CHMP1A: variants seen among roughly 807,000 people sequenced by gnomAD.
CHMP1A encodes the protein charged multivesicular body protein 1A.
CHMP1A carries 17 observed loss-of-function variants against 27.0 expected under a neutral mutation model. That is an observed-to-expected ratio of 0.63 (90% CI 0.43 to 0.95). The LOEUF (loss-of-function observed/expected upper bound fraction) is 0.95. Ranked by LOEUF, CHMP1A falls within the 40% of genes least tolerant of loss-of-function variation. CHMP1A has a pLI of 0.00. For missense variants in CHMP1A, 275 were observed against 264.0 expected (o/e 1.04, Z -0.29); for synonymous variants, 131 against 107.5 (o/e 1.22, Z -1.35).
chr16:89,652,055 C>T (rs1283693240), intron 2 of CHMP1A, among the ~76,000 whole-genome samples: 1 of 152,246 alleles, frequency 6.6e-6, no homozygotes, highest in Non-Finnish European at 1.5e-5. Context: ...CAAGTCATAA[C>T]ACAGAACTCC....
intron 3 of CHMP1A, among the ~76,000 whole-genome samples, chr16:89,650,681 T>A (rs1459046094): frequency 6.6e-6 from 1 of 151,740 alleles, no homozygotes; most frequent in Non-Finnish European, 1.5e-5. Context: ...TGGCGCATGC[T>A]TGTAATCCCA....
chr16:89,650,543 T>C (rs2059816230), intron 3 of CHMP1A, among the ~76,000 whole-genome samples: 1 of 152,212 alleles, frequency 6.6e-6, no homozygotes, highest in Non-Finnish European at 1.5e-5. Context: ...CAGTGGCTCA[T>C]GCCTGTAATC....
chr16:89,655,436 T>TCACCTCAGCTCC (rs2059857613), intron 1 of CHMP1A, among the ~76,000 whole-genome samples: 1 of 72,672 alleles, frequency 1.4e-5, no homozygotes. Flanking sequence ...ACCTCAGCTC[T>TCACCTCAGCTCC]CCTCACCTCA....
At position 89,647,538 on chromosome 16, in the gene CHMP1A, CA is replaced by C. The variant is rs1568000191; in HGVS notation, c.253-208del. Reference sequence around the variant, plus strand: ...AGGCCATGGAGACCCAGTGCGGGGTCAGTGGAGAAAAGGCCGCCGACGTGGA... The same window carrying C: ...AGGCCATGGAGACCCAGTGCGGGGTCGTGGAGAAAAGGCCGCCGACGTGGA... On this transcript the variant is annotated intron_variant, in intron 4 of 6. Coordinates refer to ENST00000397901, the MANE Select transcript of CHMP1A (RefSeq NM_002768.5). Among the ~76,000 whole-genome samples, 65 of 147,926 alleles carry C rather than the reference CA, an allele frequency of 4.4e-4. 3 individuals carry two copies. Among genetic ancestry groups the C allele is most frequent in the African/African-American group, 1.5e-3 (60 of 39,268 alleles).
Position 89,646,082 on chromosome 16 carries a change from G to T in CHMP1A, c.575C>A (p.Ala192Asp). The change falls in exon 7 of 7, where the codon GCC becomes GAC. Residue 192 changes from alanine to aspartate, a missense_variant. By Grantham distance (126) the Ala-to-Asp change is moderately radical. Transcript: ENST00000397901. ...SQEDQLSRRL[A>D]ALRN Reference sequence around the variant, plus strand: ...GGGGCACGGCTAGTTCCTCAAGGCGGCCAACCTGGAAACCAACAACAGGAC... The same window carrying T: ...GGGGCACGGCTAGTTCCTCAAGGCGTCCAACCTGGAAACCAACAACAGGAC... 1 of 1,543,998 alleles carries T rather than the reference G, an allele frequency of 6.5e-7. No individual in the cohort carries two copies. Among genetic ancestry groups the T allele is most frequent in the Non-Finnish European group, 8.7e-7 (1 of 1,145,816 alleles).
intron 6 of CHMP1A, 50 bp from the exon 7 acceptor site, chr16:89,646,137 G>A: frequency 6.7e-7 from 1 of 1,487,154 alleles, no homozygotes; most frequent in Non-Finnish European, 9.0e-7. Context: ...GGGGGCCTCT[G>A]ACCACCACGT....
rs1483750376 is a variant in CHMP1A, at chr16:89,657,620, G to C, written c.-32C>G. 3.1e-6 allele frequency: 5 copies of C among 1,610,196 alleles called. No homozygotes were observed. In the South Asian group the frequency reaches 5.5e-5, roughly 18 times the overall value. ...AATGACAGGAGCAGCACTCGGAGAG[G>C]GAGAAGGGACGCCAACTCCGGGCGG... On this transcript the variant is annotated 5_prime_UTR_variant, in exon 1 of 7. Coordinates refer to ENST00000397901, the MANE Select transcript of CHMP1A (RefSeq NM_002768.5).
intron 2 of CHMP1A, among the ~76,000 whole-genome samples, chr16:89,653,688 G>T (rs2059842596): frequency 6.6e-6 from 1 of 150,518 alleles, no homozygotes; most frequent in Non-Finnish European, 1.5e-5. Context: ...ATGACCCTAA[G>T]GATCTGCCTC....
chr16:89,652,771 C>T (rs1201667047), intron 2 of CHMP1A, among the ~76,000 whole-genome samples: 1 of 152,164 alleles, frequency 6.6e-6, no homozygotes, highest in Non-Finnish European at 1.5e-5. Flanking sequence ...ACGGTAGCTC[C>T]GGCACATCAC....
chr16:89,653,413 G>A (rs1046966285), intron 2 of CHMP1A, among the ~76,000 whole-genome samples: 8 of 150,256 alleles, frequency 5.3e-5, no homozygotes, highest in African/African-American at 1.9e-4. Flanking sequence ...GAGGTGAAGA[G>A]ATCGAGACCA....
intron 6 of CHMP1A, 41 bp from the exon 7 acceptor site, chr16:89,646,128 G>A (rs1339379891): frequency 6.6e-7 from 1 of 1,509,782 alleles, no homozygotes; most frequent in Non-Finnish European, 8.9e-7. Context: ...GCAGGGGAAG[G>A]GGGCCTCTGA....
chr16:89,649,524 G>A (rs748961598), intron 3 of CHMP1A, 27 bp from the exon 4 acceptor site: 2 of 1,612,852 alleles, frequency 1.2e-6, no homozygotes, highest in Non-Finnish European at 1.7e-6. Context: ...AAAGCAGCTG[G>A]AAGAGCTTGG....
At chr16:89,651,837 T>C (rs888104986) in intron 2 of CHMP1A, among the ~76,000 whole-genome samples, 191 bp from the exon 3 acceptor site, 1 of 152,206 alleles carries the variant, frequency 6.6e-6, no homozygotes, top group African/African-American at 2.4e-5. Context: ...CGGCGAGAGA[T>C]GGCACCAGCT....
intron 3 of CHMP1A, among the ~76,000 whole-genome samples, 157 bp downstream of exon 3, chr16:89,651,412 T>C (rs1184743939): frequency 6.6e-6 from 1 of 151,806 alleles, no homozygotes; most frequent in Non-Finnish European, 1.5e-5. Flanking sequence ...AAAATATATA[T>C]ATATATGTAC....
chr16:89,648,663 G>A (rs2059799648), intron 4 of CHMP1A, among the ~76,000 whole-genome samples: 1 of 152,164 alleles, frequency 6.6e-6, no homozygotes, highest in Non-Finnish European at 1.5e-5. Context: ...GGCCGAGGTG[G>A]GAAGATTGCT....
In CHMP1A at chr16:89,646,060, G is replaced by A. The variant is rs776051113; in HGVS notation, c.*6C>T. 1.9e-6 allele frequency: 3 copies of A among 1,566,756 alleles called. No homozygotes were observed. Among genetic ancestry groups the A allele is most frequent in the African/African-American group, 1.4e-5 (1 of 73,266 alleles). Reference sequence around the variant, plus strand: ...GGCAGAGGCGGTGCACACCGGCGGGGCACGGCTAGTTCCTCAAGGCGGCCA... The same window carrying A: ...GGCAGAGGCGGTGCACACCGGCGGGACACGGCTAGTTCCTCAAGGCGGCCA... On this transcript the variant is annotated 3_prime_UTR_variant, in exon 7 of 7. Transcript: ENST00000397901.
intron 1 of CHMP1A, among the ~76,000 whole-genome samples, chr16:89,655,094 G>A (rs1027086253): frequency 6.6e-6 from 1 of 152,178 alleles, no homozygotes; most frequent in African/African-American, 2.4e-5. Flanking sequence ...AAAAGAATGA[G>A]GTTACTGAGT....
Position 89,645,682 on chromosome 16 carries a change from C to T in CHMP1A, c.*384G>A, listed in dbSNP as rs2059767880. The T allele has an allele frequency of 2.7e-6, 1 of 366,316 alleles. No homozygotes were observed. The highest frequency in any genetic ancestry group is 2.2e-5 in the South Asian group (1 of 45,170). The allele number at this position is 366,316 out of a possible 1,614,324, so 22.7% of individuals were successfully genotyped here. The stretch of plus-strand genomic sequence containing the variant: ...GCCCGCTGAGGTGGTGCGGAGAGGC[C>T]TCAGGGAGTTGTTTGGCAACAGGGC... On this transcript the variant is annotated 3_prime_UTR_variant, in exon 7 of 7. Transcript: ENST00000397901.
chr16:89,651,850 A>G (rs781154003), intron 2 of CHMP1A, among the ~76,000 whole-genome samples: 2 of 152,204 alleles, frequency 1.3e-5, no homozygotes, highest in Non-Finnish European at 2.9e-5. Flanking sequence ...CACCAGCTGG[A>G]GGAGGAAGCT....
Sources: allele counts gnomAD v4.1 joint callset (sites outside exome capture counted in the v4.1 genomes callset), GRCh38; gene constraint gnomAD v4.1.1; transcripts MANE v1.5; gene names NCBI Gene and HGNC (gene_info 2026-07-23, HGNC 2026-07-21).